The following TMEM67 variants were observed in gnomAD, a reference collection of about 807,000 sequenced individuals.
The protein encoded by TMEM67 is meckelin.
In TMEM67, 124 loss-of-function variants were observed where a neutral mutation model predicts 136.6. The ratio of observed to expected loss-of-function variants is 0.91; its 90% CI spans 0.78 to 1.05. The LOEUF is 1.05. TMEM67 is among the 50% of genes least tolerant of loss of function. The probability of loss-of-function intolerance (pLI) is 0.00; values close to 1 mark genes in which losing one functional copy is unlikely to be tolerated. For synonymous variants in TMEM67, 364 were observed against 390.5 expected, an observed-to-expected ratio of 0.93 and a Z score of 0.80; for missense variants, 1,107 against 1,178.4, an observed-to-expected ratio of 0.94 and a Z score of 0.89.
the TMEM67 span, among the ~76,000 whole-genome samples, chr8:93,826,603 G>A: frequency 6.6e-6 from 1 of 152,182 alleles, no homozygotes; most frequent in Non-Finnish European, 1.5e-5. Context: ...TCCTATCTCT[G>A]TTGATAACTA....
intron 20 of TMEM67, 92 bp downstream of exon 20, chr8:93,797,562 A>G: frequency 1.6e-6 from 2 of 1,234,744 alleles, no homozygotes; most frequent in South Asian, 1.3e-5. Context: ...ATGACAGTGG[A>G]AGATTTCTCT....
At chr8:93,790,248 C>T (rs558620484) in intron 14 of TMEM67, among the ~76,000 whole-genome samples, 264 of 152,292 alleles carry the variant, frequency 1.7e-3, no homozygotes, top group African/African-American at 6.1e-3. Context: ...TTGAGCAGAT[C>T]AGGACCATCT....
intron 20 of TMEM67, among the ~76,000 whole-genome samples, chr8:93,798,942 AGTGTGTGTGTGTGTGT>A (rs35511670): frequency 7.7e-5 from 11 of 143,484 alleles, no homozygotes; most frequent in South Asian, 2.3e-4. Context: ...GTACTAAAGT[AGTGTGTGTGTGTGTGT>A]GTGTGTGTGT....
chr8:93,796,220 T>C (rs1455577690), intron 18 of TMEM67, among the ~76,000 whole-genome samples: 2 of 152,210 alleles, frequency 1.3e-5, no homozygotes, highest in East Asian at 3.8e-4. Flanking sequence ...GCTTATTTGA[T>C]AAAATGATAT....
At position 93,816,595 on chromosome 8, in the gene TMEM67, A is replaced by G. The variant is rs958541973; in HGVS notation, c.*143A>G. ...TTTATTTGCAGAAAGATTTATTTTT[A>G]TAACTTGGGAATATATAACCTGATA... is the stretch of plus-strand genomic sequence containing the variant. On this transcript the variant is annotated 3_prime_UTR_variant, in exon 28 of 28. Coordinates refer to ENST00000453321, the MANE Select transcript of TMEM67 (RefSeq NM_153704.6). 1.1e-5 allele frequency: 6 copies of G among 535,834 alleles called. 1 individual carries two copies. Among genetic ancestry groups the G allele is most frequent in the South Asian group, 2.9e-5 (1 of 33,964 alleles). The allele number at this position is 535,834 out of a possible 1,614,324, so 33.2% of individuals were successfully genotyped here. A position where few individuals can be genotyped will look rare whatever the true frequency, so the allele number is the denominator to read the frequency against.
In TMEM67 at chr8:93,780,638, G is replaced by C. The variant is rs915106059; in HGVS notation, c.760G>C (p.Val254Leu). The change falls in exon 8 of 28, where the codon GTG becomes CTG. Residue 254 changes from valine (V) to leucine (L), a missense_variant. By Grantham distance (32) the Val-to-Leu change is conservative. Around this residue, in one of 3 missense-constraint regions of TMEM67, gnomAD observed 925 missense variants for 1,002.4 expected, o/e 0.92. Coordinates refer to ENST00000453321, the MANE Select transcript of TMEM67 (RefSeq NM_153704.6). ...TTGTCAAGCTCTTGGAAATATGTGT[G>C]TGATGAACATGAATTCTTACGACTT... is the stretch of plus-strand genomic sequence containing the variant. ...TSCQALGNMC[V>L]MNMNSYDFAT... is the part of the protein sequence containing the mutation. The C allele has an allele frequency of 1.2e-6, 2 of 1,613,980 alleles. No homozygotes were observed. Among genetic ancestry groups the C allele is most frequent in the Admixed American group, 1.7e-5 (1 of 59,994 alleles).
At chr8:93,822,506 G>GGA (rs1303650162), downstream of TMEM67, among the ~76,000 whole-genome samples, 1 of 152,198 alleles carries the variant, frequency 6.6e-6, no homozygotes, top group Non-Finnish European at 1.5e-5. Context: ...AGATGGCAGT[G>GGA]GAGTGCACAG....
At chr8:93,828,138 A>T in the TMEM67 span, among the ~76,000 whole-genome samples, 1 of 152,126 alleles carries the variant, frequency 6.6e-6, no homozygotes, top group Non-Finnish European at 1.5e-5. Context: ...TCTCTATTCC[A>T]TGCAGCTTAA....
At chr8:93,788,841 T>A (rs1319151604) in intron 14 of TMEM67, among the ~76,000 whole-genome samples, 1 of 152,182 alleles carries the variant, frequency 6.6e-6, no homozygotes, top group Non-Finnish European at 1.5e-5. Flanking sequence ...TGGGAGGGCC[T>A]ACGTATGGAA....
At chr8:93,768,807 C>T (rs1465625463) in intron 6 of TMEM67, among the ~76,000 whole-genome samples, 1 of 152,014 alleles carries the variant, frequency 6.6e-6, no homozygotes, top group Non-Finnish European at 1.5e-5. Context: ...TCTATTCCAC[C>T]TCCACATTCT....
chr8:93,755,105 C>T lies in TMEM67; in HGVS notation c.191C>T (p.Pro64Leu), dbSNP rs1586330121. ...GATATCTCCGCCCTCTCGTGTGTTC[C>T]TTGTGGAGCTAACCAGAGGCAAGAT... Reference protein sequence around the residue: ...YFDISALSCVPCGANQRQDAR... With the variant: ...YFDISALSCVLCGANQRQDAR... Residue 64 changes from proline (P) to leucine (L), a missense_variant, in exon 1 of 28, where the codon CCT (proline) becomes CTT (leucine). Coordinates refer to ENST00000453321, the MANE Select transcript of TMEM67 (RefSeq NM_153704.6). 6.2e-7 allele frequency: 1 copy of T among 1,614,170 alleles called. No individual in the cohort carries two copies.
At chr8:93,765,526 A>T in intron 5 of TMEM67, 46 bp from the exon 6 acceptor site, 3 of 1,597,032 alleles carry the variant, frequency 1.9e-6, no homozygotes, top group Non-Finnish European at 2.6e-6. Context: ...TCAGTTGCTT[A>T]TGCCTTTTCA....
chr8:93,809,110 T>C lies in TMEM67; in HGVS notation c.2610T>C (p.Ser870=). The change falls in exon 25 of 28, where the codon AGT becomes AGC. Residue 870 remains serine, a synonymous_variant. Transcript: ENST00000453321. The part of the protein sequence containing the change: ...LSSSASTFEQ[S]IKAYHMMNKF... ...CATCAGCAAGTACTTTTGAGCAGAG[T>C]ATAAAAGCATATCATATGATGAATA... The C allele has an allele frequency of 6.2e-7, 1 of 1,610,496 alleles. No homozygotes were observed. Among genetic ancestry groups the C allele is most frequent in the Non-Finnish European group, 8.5e-7 (1 of 1,177,310 alleles).
chr8:93,793,361 G>C, intron 16 of TMEM67, 65 bp downstream of exon 16: 1 of 1,311,294 alleles, frequency 7.6e-7, no homozygotes, highest in Admixed American at 1.7e-5. Flanking sequence ...CTTCTCATAA[G>C]ACACAGCTAG....
chr8:93,761,033 G>A (rs118078323), intron 3 of TMEM67, among the ~76,000 whole-genome samples: 57 of 152,078 alleles, frequency 3.7e-4, no homozygotes, highest in Middle Eastern at 3.4e-3. Flanking sequence ...TTTTTCGACC[G>A]GGCACAGTGG....
intron 22 of TMEM67, 147 bp downstream of exon 22, chr8:93,803,831 A>G: frequency 1.5e-6 from 1 of 653,578 alleles, no homozygotes; most frequent in South Asian, 1.6e-5. Context: ...GATAATTATA[A>G]TGAGCTACAA....
At chr8:93,789,457 C>A (rs184133144) in intron 14 of TMEM67, among the ~76,000 whole-genome samples, 1 of 151,866 alleles carries the variant, frequency 6.6e-6, no homozygotes, top group East Asian at 1.9e-4. Context: ...TTCAGCTTGA[C>A]CAACATAGTG....
intron 13 of TMEM67, 31 bp downstream of exon 13, chr8:93,786,377 G>T (rs2130691580): frequency 6.2e-7 from 1 of 1,605,912 alleles, no homozygotes; most frequent in Middle Eastern, 1.7e-4. Flanking sequence ...ATTATTTATG[G>T]GAAAATATCA....
rs758413786 is a variant in TMEM67 at position 93,780,548 on chromosome 8, C to G, written c.715-45C>G. 1.9e-6 allele frequency: 3 copies of G among 1,611,704 alleles called. No homozygotes were observed. In the African/African-American group the frequency reaches 4.0e-5, roughly 22 times the overall value. The stretch of plus-strand genomic sequence containing the variant: ...ATTTTTATATCAACTTTTGCATAGA[C>G]TGTTCAGGTTCATGTTACTTTTCTT... On this transcript the variant is annotated intron_variant, in intron 7 of 27. Coordinates refer to ENST00000453321, the MANE Select transcript of TMEM67 (RefSeq NM_153704.6).
Sources: gnomAD v4.1 joint callset for allele counts (sites outside exome capture counted in the v4.1 genomes callset) on GRCh38, gnomAD v4.1.1 for gene constraint, gnomAD v4.1.1 regional missense constraint, MANE v1.5 for transcripts, NCBI Gene and HGNC (gene_info 2026-07-23, HGNC 2026-07-21) for gene names.